Variants in MYLK observed in about 807,000 individuals in gnomAD.
The protein encoded by MYLK is myosin light chain kinase, also known as myosin light chain kinase, smooth muscle.
MYLK carries 106 observed loss-of-function variants against 203.4 expected under a neutral mutation model. The observed-to-expected ratio is 0.52, with a 90% CI of 0.45 to 0.61. The LOEUF (loss-of-function observed/expected upper bound fraction) is 0.61. MYLK is among the 20% of genes least tolerant of loss of function. The probability of loss-of-function intolerance (pLI) is 0.00; values close to 1 mark genes in which losing one functional copy is unlikely to be tolerated. For missense variants in MYLK, 2,072 were observed against 2,442.3 expected (o/e 0.85, Z 3.20); for synonymous variants, 867 against 959.5 (o/e 0.90, Z 1.78).
rs552818728 is a variant in MYLK at position 123,795,306 on chromosome 3, A to G, written c.-3-1462T>C. On this transcript the variant is annotated intron_variant, in intron 3 of 33. Coordinates refer to ENST00000360304, the MANE Select transcript of MYLK (RefSeq NM_053025.4). ...GTATGACTTACATAACTATCTCCCT[A>G]CTGCTGGCCATTTGGATAGTTTCTA... is the stretch of plus-strand genomic sequence containing the variant. Among the ~76,000 whole-genome samples, 74 of 152,270 alleles carry G rather than the reference A, an allele frequency of 4.9e-4. 1 individual carries two copies. Among genetic ancestry groups the G allele is most frequent in the African/African-American group, 1.7e-3 (72 of 41,548 alleles).
intron 19 of MYLK, 113 bp downstream of exon 19, chr3:123,692,622 G>C (rs1458188136): frequency 1.1e-6 from 1 of 914,708 alleles, no homozygotes; most frequent in Non-Finnish European, 1.8e-6. Flanking sequence ...TTTGGGTAGG[G>C]AGGGCAGTGT....
chr3:123,806,917 G>A (rs1258564780), intron 3 of MYLK, among the ~76,000 whole-genome samples: 1 of 151,640 alleles, frequency 6.6e-6, no homozygotes, highest in South Asian at 2.1e-4. Flanking sequence ...CACCCACCTC[G>A]GCCTCCCAAA....
intron 4 of MYLK, among the ~76,000 whole-genome samples, chr3:123,778,705 G>A (rs2064173306): frequency 1.3e-5 from 2 of 152,150 alleles, no homozygotes; most frequent in African/African-American, 4.8e-5. Context: ...TCGCCCAGGG[G>A]CGGCTGAAAC....
At chr3:123,870,266 C>A (rs1419595827) in intron 2 of MYLK, among the ~76,000 whole-genome samples, 1 of 152,206 alleles carries the variant, frequency 6.6e-6, no homozygotes, top group Non-Finnish European at 1.5e-5. Flanking sequence ...AAAAGAGTCT[C>A]AAAATGAAAG....
chr3:123,778,944 G>A (rs1342008090), intron 4 of MYLK, among the ~76,000 whole-genome samples: 1 of 152,220 alleles, frequency 6.6e-6, no homozygotes, highest in Non-Finnish European at 1.5e-5. Context: ...AAGGTGTCCA[G>A]AATTTCACTT....
intron 4 of MYLK, among the ~76,000 whole-genome samples, chr3:123,763,522 C>T (rs1431771281): frequency 6.6e-6 from 1 of 152,188 alleles, no homozygotes; most frequent in Non-Finnish European, 1.5e-5. Flanking sequence ...TACCTTTATA[C>T]TCAATTGACA....
Position 123,871,057 on chromosome 3 carries a change from G to A in MYLK, c.-127+5502C>T, listed in dbSNP as rs182447583. ...GAAACAGTCCATGGTGTGACCGTTCGCCTCCTTCCCATTGGTCCCACCCCC... is the reference window on the plus strand; with the variant it reads ...GAAACAGTCCATGGTGTGACCGTTCACCTCCTTCCCATTGGTCCCACCCCC... On this transcript the variant is annotated intron_variant, in intron 2 of 33. Coordinates refer to ENST00000360304, the MANE Select transcript of MYLK (RefSeq NM_053025.4). 1.5e-3 allele frequency among the ~76,000 whole-genome samples: 230 copies of A among 151,954 alleles called. 1 individual carries two copies. The highest frequency in any genetic ancestry group is 6.8e-3 in the Middle Eastern group (2 of 292).
rs72972356 is a variant in MYLK at position 123,821,622 on chromosome 3, A to T, written c.-4+9926T>A. 8.7e-3 allele frequency among the ~76,000 whole-genome samples: 1,332 copies of T among 152,272 alleles called. 11 individuals are homozygous for T. Among genetic ancestry groups the T allele is most frequent in the African/African-American group, 0.029 (1,192 of 41,570 alleles). On this transcript the variant is annotated intron_variant, in intron 3 of 33. Coordinates refer to ENST00000360304, the MANE Select transcript of MYLK (RefSeq NM_053025.4). ...GTCTCCTTTGTGTTGTAGGGGCTCA[A>T]CTGCTGGTCCTGCCTCCCCCAAGAT...
chr3:123,695,258 C>T (rs540466212), intron 18 of MYLK, among the ~76,000 whole-genome samples: 4 of 152,366 alleles, frequency 2.6e-5, no homozygotes, highest in African/African-American at 9.6e-5. Flanking sequence ...CCTAATCCCC[C>T]AGGCCTAGGC....
chr3:123,737,569 G>A, intron 7 of MYLK, 26 bp from the exon 8 acceptor site: 1 of 1,613,760 alleles, frequency 6.2e-7, no homozygotes, highest in Non-Finnish European at 8.5e-7. Context: ...GGGTAACTTG[G>A]TCATACAAAT....
At position 123,722,259 on chromosome 3, in the gene MYLK, C is replaced by T. The variant is rs753464560; in HGVS notation, c.1673G>A (p.Arg558His). The change falls in exon 13 of 34, where the codon CGC becomes CAC. Residue 558 changes from arginine to histidine, a missense_variant. By Grantham distance (29) the Arg-to-His change is conservative. Around this residue, in one of 3 missense-constraint regions of MYLK, gnomAD observed 865 missense variants for 1,016.0 expected, o/e 0.85. Coordinates refer to ENST00000360304, the MANE Select transcript of MYLK (RefSeq NM_053025.4). The part of the protein sequence containing the change: ...LLNGQPIQYA[R>H]STCEAGVAEL... ...AGCCACGCCGGCCTCGCAGGTGGAG[C>T]GAGCGTACTGGATGGGCTGCCCTGT... is the stretch of plus-strand genomic sequence containing the variant. 50 of 1,569,782 alleles carry T rather than the reference C, an allele frequency of 3.2e-5. No individual in the cohort carries two copies. The highest frequency in any genetic ancestry group is 2.2e-4 in the South Asian group (19 of 85,130).
At chr3:123,709,631 T>C (rs191365413) in intron 14 of MYLK, 125 bp downstream of exon 14, 1 of 1,276,878 alleles carries the variant, frequency 7.8e-7, no homozygotes, top group East Asian at 2.3e-5. Context: ...TTTGGGTCCA[T>C]CACCTGATGG....
At chr3:123,652,545 G>T (rs1475502386) in intron 24 of MYLK, among the ~76,000 whole-genome samples, 1 of 152,164 alleles carries the variant, frequency 6.6e-6, no homozygotes, top group African/African-American at 2.4e-5. Context: ...GGGCACCCCC[G>T]CCCCGGAGAC....
intron 3 of MYLK, chr3:123,831,303 T>C: frequency 8.5e-7 from 1 of 1,172,224 alleles, no homozygotes; most frequent in Non-Finnish European, 1.1e-6. Flanking sequence ...CTAGTTCCAA[T>C]GATGATTTCC....
At chr3:123,791,859 TA>T (rs113209765) in intron 4 of MYLK, among the ~76,000 whole-genome samples, 5,578 of 152,336 alleles carry the variant, frequency 0.037, 350 homozygotes, top group African/African-American at 0.12. Flanking sequence ...TTCAACTCCT[TA>T]AGAAAAATAC....
Position 123,697,835 on chromosome 3 carries a change from C to T in MYLK, c.3448+2185G>A, listed in dbSNP as rs117409709. ...CCTCTCCTGGTCTCTCTCTCCCCTT[C>T]GTGTGCAGCCTTCCTTGGATCATTT... On this transcript the variant is annotated intron_variant, in intron 18 of 33. Coordinates refer to ENST00000360304, the MANE Select transcript of MYLK (RefSeq NM_053025.4). 1.1e-4 allele frequency among the ~76,000 whole-genome samples: 17 copies of T among 152,322 alleles called. No homozygotes were observed. In the East Asian group the frequency reaches 2.7e-3, roughly 24 times the overall value.
intron 1 of MYLK, among the ~76,000 whole-genome samples, chr3:123,878,190 G>C (rs751826293): frequency 9.2e-5 from 14 of 152,128 alleles, no homozygotes; most frequent in Non-Finnish European, 1.6e-4. Flanking sequence ...CTACCCTTAC[G>C]ACCACAGCAC....
rs370887285 is a variant in MYLK, at chr3:123,635,031, G to C, written c.4961+3040C>G. Among the ~76,000 whole-genome samples, 3 of 152,222 alleles carry C rather than the reference G, an allele frequency of 2.0e-5. No homozygotes were observed. In the South Asian group the frequency reaches 6.2e-4, roughly 32 times the overall value. On this transcript the variant is annotated intron_variant, in intron 29 of 33. Coordinates refer to ENST00000360304, the MANE Select transcript of MYLK (RefSeq NM_053025.4). The stretch of plus-strand genomic sequence containing the variant: ...GGCCAGAAACTGCCCTGATGGCTGG[G>C]CTGGGTGGGAGAGAGTAAAGTCACA...
chr3:123,717,273 A>G (rs1001661211), intron 13 of MYLK, among the ~76,000 whole-genome samples: 2 of 152,258 alleles, frequency 1.3e-5, no homozygotes, highest in Admixed American at 1.3e-4. Flanking sequence ...AGTGCCTGGT[A>G]TTAATCTGAA....
Sources: gnomAD v4.1 joint callset for allele counts (sites outside exome capture counted in the v4.1 genomes callset) on GRCh38, gnomAD v4.1.1 for gene constraint, gnomAD v4.1.1 regional missense constraint, MANE v1.5 for transcripts, NCBI Gene and HGNC (gene_info 2026-07-23, HGNC 2026-07-21) for gene names.